Variants in OR4Q3 observed in about 807,000 individuals in gnomAD.
OR4Q3 encodes olfactory receptor 4Q3.
Under a neutral mutation model 18.8 loss-of-function variants are expected in OR4Q3, and 17 were observed. That is an observed-to-expected ratio of 0.91 (90% CI 0.62 to 1.36). OR4Q3 has a LOEUF of 1.36. Ranked by LOEUF, OR4Q3 falls within the 40% of genes most tolerant of loss-of-function variation. The pLI, the probability that OR4Q3 is intolerant of heterozygous loss-of-function variation, is 0.00. For missense variants in OR4Q3, 378 were observed against 373.4 expected, an observed-to-expected ratio of 1.01 and a Z score of -0.10; for synonymous variants, 158 against 145.8, an observed-to-expected ratio of 1.08 and a Z score of -0.60.
At chr14:19,745,952 G>A in intron 1 of OR4Q3, among the ~76,000 whole-genome samples, 1 of 152,284 alleles carries the variant, frequency 6.6e-6, no homozygotes, top group Middle Eastern at 3.4e-3. Context: ...CACAATCATG[G>A]TGTGACAGAG....
downstream of OR4Q3, among the ~76,000 whole-genome samples, chr14:19,752,067 T>C: frequency 1.3e-5 from 2 of 152,166 alleles, no homozygotes; most frequent in African/African-American, 4.8e-5. Context: ...ACTATGAAAA[T>C]CCTAGACCAA....
chr14:19,747,794 A>G, exon 2 of OR4Q3: 2 of 1,613,928 alleles, frequency 1.2e-6, no homozygotes, highest in Non-Finnish European at 1.7e-6. Flanking sequence ...GGCCTATGAC[A>G]GGTATGTTGC....
chr14:19,743,599 G>C (rs1877355429), exon 1 of OR4Q3: 1 of 152,480 alleles, frequency 6.6e-6, no homozygotes, highest in Non-Finnish European at 1.5e-5. Flanking sequence ...AGGCTGAAGA[G>C]AGGGTTGATA....
At chr14:19,749,603 G>GTAAAAAAAAAAAA, downstream of OR4Q3, 1 of 840 alleles carries the variant, frequency 1.2e-3, no homozygotes, top group African/African-American at 9.3e-3. Flanking sequence ...CGGTCTCAAA[G>GTAAAAAAAAAAAA]CAAAAAAAAA....
chr14:19,748,208 A>T, exon 2 of OR4Q3: 2 of 1,614,062 alleles, frequency 1.2e-6, no homozygotes, highest in Non-Finnish European at 1.7e-6. Context: ...CATCTATTTG[A>T]GGCCTTTCTG....
chr14:19,745,532 T>C, intron 1 of OR4Q3, among the ~76,000 whole-genome samples: 1 of 152,182 alleles, frequency 6.6e-6, no homozygotes, highest in Non-Finnish European at 1.5e-5. Context: ...GTTCCCATTG[T>C]TTTCTGGCTT....
downstream of OR4Q3, among the ~76,000 whole-genome samples, chr14:19,749,628 A>AAAAAAAAAAAAAAC: frequency 1.3e-5 from 2 of 148,904 alleles, no homozygotes; most frequent in African/African-American, 2.5e-5. Flanking sequence ...AAAAAAAAAA[A>AAAAAAAAAAAAAAC]AAAAAAGAAA....
chr14:19,751,033 G>A, downstream of OR4Q3, among the ~76,000 whole-genome samples: 4 of 152,214 alleles, frequency 2.6e-5, no homozygotes, highest in Non-Finnish European at 4.4e-5. Flanking sequence ...TAGAGCTCCA[G>A]GCTTTCTCTT....
At chr14:19,751,842 T>C, downstream of OR4Q3, among the ~76,000 whole-genome samples, 2 of 152,210 alleles carry the variant, frequency 1.3e-5, no homozygotes, top group South Asian at 4.1e-4. Flanking sequence ...ACTCTTGGTT[T>C]CATTGACCTT....
chr14:19,747,905 C>T lies in OR4Q3; in HGVS notation c.502C>T (p.Gln168Ter). 2,421 of 1,613,866 alleles carry T rather than the reference C, an allele frequency of 1.5e-3. 19 individuals carry two copies. In the African/African-American group the frequency reaches 0.027, roughly 18 times the overall value. Residue 168 changes from glutamine to a stop codon, truncating the protein, a stop_gained, in exon 2 of 2, where the codon CAG (glutamine) becomes TAG (stop). Coordinates refer to ENST00000642117, the Ensembl canonical transcript of OR4Q3. LOFTEE classifies it high-confidence loss of function. ...TGGGGGTTTTATCCACTCTATCATGCAGGTCATACTAGTCATCCAGCTGCC... is the reference window on the plus strand; with the variant it reads ...TGGGGGTTTTATCCACTCTATCATGTAGGTCATACTAGTCATCCAGCTGCC...
chr14:19,748,039 T>C, exon 2 of OR4Q3: 1 of 1,614,030 alleles, frequency 6.2e-7, no homozygotes, highest in Admixed American at 1.7e-5. Context: ...TAGCCAACAG[T>C]GGTCTGCTGT....
chr14:19,745,985 C>T, intron 1 of OR4Q3, among the ~76,000 whole-genome samples: 1 of 152,050 alleles, frequency 6.6e-6, no homozygotes, highest in African/African-American at 2.4e-5. Flanking sequence ...GGCTTGAGTC[C>T]CAAATCTCTC....
At chr14:19,747,433 A>C in exon 2 of OR4Q3, 46 of 1,595,662 alleles carry the variant, frequency 2.9e-5, no homozygotes, top group Non-Finnish European at 3.3e-5. Context: ...GCTTGATGAA[A>C]AAAGAACAAG....
intron 1 of OR4Q3, among the ~76,000 whole-genome samples, chr14:19,745,131 T>C: frequency 6.6e-6 from 1 of 152,216 alleles, no homozygotes. Flanking sequence ...TTTTATCTTA[T>C]GTGATTGTAA....
chr14:19,749,847 CTTCTTTCTTTCTTTCTTTCT>C, downstream of OR4Q3, among the ~76,000 whole-genome samples: 2,242 of 114,022 alleles, frequency 0.02, 49 homozygotes, highest in African/African-American at 0.055. Flanking sequence ...ATACAGATTA[CTTCTTTCTTTCTTTCTTTCT>C]TTCTTTCTTT....
downstream of OR4Q3, among the ~76,000 whole-genome samples, chr14:19,749,843 A>C: frequency 7.9e-6 from 1 of 125,912 alleles, no homozygotes; most frequent in Non-Finnish European, 1.7e-5. Flanking sequence ...AATTATACAG[A>C]TTACTTCTTT....
chr14:19,747,613 T>C, exon 2 of OR4Q3: 4 of 1,613,994 alleles, frequency 2.5e-6, no homozygotes, highest in Non-Finnish European at 3.4e-6. Flanking sequence ...CTATGTATTA[T>C]TTTTTAGGTC....
At chr14:19,748,432 T>C in exon 2 of OR4Q3, 3 of 1,278,748 alleles carry the variant, frequency 2.3e-6, no homozygotes, top group Non-Finnish European at 2.2e-6. Context: ...TAACTCATCT[T>C]GTACATGGGT....
Position 19,745,537 on chromosome 14 carries a change from T to G in OR4Q3, c.2+1866T>G. Among the ~76,000 whole-genome samples, 101 of 152,274 alleles carry G rather than the reference T, an allele frequency of 6.6e-4. No homozygotes were observed. In the South Asian group the frequency reaches 0.019, roughly 28 times the overall value. ...AGGATTATGTGTTCCCATTGTTTTC[T>G]GGCTTCTAGAAACCTTTTTTAATTA... On this transcript the variant is annotated intron_variant, in intron 1 of 1. Coordinates refer to ENST00000642117, the Ensembl canonical transcript of OR4Q3.
Sources: allele counts gnomAD v4.1 joint callset (sites outside exome capture counted in the v4.1 genomes callset), GRCh38; gene constraint gnomAD v4.1.1; transcripts MANE v1.5; gene names NCBI Gene and HGNC (gene_info 2026-07-23, HGNC 2026-07-21).